PRKN: variants seen among roughly 807,000 people sequenced by gnomAD.
PRKN encodes E3 ubiquitin-protein ligase parkin.
PRKN carries 56 observed loss-of-function variants against 59.5 expected under a neutral mutation model. The ratio of observed to expected loss-of-function variants is 0.94; its 90% CI spans 0.76 to 1.18. The LOEUF is 1.18. Among genes scored for constraint, PRKN ranks in the 50% most tolerant of loss-of-function variants. PRKN has a pLI of 0.00. For synonymous variants in PRKN, 250 were observed against 222.1 expected (o/e 1.13, Z -1.12); for missense variants, 657 against 596.4 (o/e 1.10, Z -1.06).
rs1385921578 is a variant in PRKN at position 161,402,455 on chromosome 6, C to T, written c.1084-15578G>A. On this transcript the variant is annotated intron_variant, in intron 9 of 11. Transcript: ENST00000366898. This position sits in a 1 kb window ranked among gnomAD's most constrained non-coding sequence, Gnocchi z 4.5. ...TCTCAGGTGAGTCGAGGAAATGCCA[C>T]AGACATTGCTGCCTCTCTACTAATA... is the stretch of plus-strand genomic sequence containing the variant. 1.3e-5 allele frequency among the ~76,000 whole-genome samples: 2 copies of T among 152,156 alleles called. No homozygotes were observed. Among genetic ancestry groups the T allele is most frequent in the Non-Finnish European group, 2.9e-5 (2 of 68,038 alleles).
rs566057952 is a variant in PRKN, at chr6:161,361,825, C to T, written c.1168-1620G>A. Among the ~76,000 whole-genome samples, 46 of 152,316 alleles carry T rather than the reference C, an allele frequency of 3.0e-4. No individual in the cohort carries two copies. Among genetic ancestry groups the T allele is most frequent in the Admixed American group, 5.9e-4 (9 of 15,304 alleles). ...TGCTTCCTTTGCTAAGATCCACTCA[C>T]GGCAGAGGCCCAGTGAGGGCGCTGT... On this transcript the variant is annotated intron_variant, in intron 10 of 11. Coordinates refer to ENST00000366898, the MANE Select transcript of PRKN (RefSeq NM_004562.3). The surrounding 1 kb of genome is among the most constrained non-coding windows in gnomAD (Gnocchi z 5.2).
chr6:162,596,054 A>G (rs1472337567), intron 1 of PRKN, among the ~76,000 whole-genome samples: 2 of 152,186 alleles, frequency 1.3e-5, no homozygotes, highest in African/African-American at 4.8e-5. Context: ...TGCTTGTAAT[A>G]ATAAGACTGT....
chr6:161,420,711 T>G (rs547107567), intron 9 of PRKN, among the ~76,000 whole-genome samples: 47 of 152,230 alleles, frequency 3.1e-4, no homozygotes, highest in Middle Eastern at 3.4e-3. Flanking sequence ...GGTCTCCCTA[T>G]GTTGCCCAGT....
At chr6:161,596,973 T>C (rs1781937827) in intron 7 of PRKN, among the ~76,000 whole-genome samples, 2 of 152,094 alleles carry the variant, frequency 1.3e-5, no homozygotes, top group Non-Finnish European at 2.9e-5. Flanking sequence ...GTATTAGGAG[T>C]GTTCATAGGA....
At chr6:162,109,086 G>T (rs916143046) in intron 4 of PRKN, among the ~76,000 whole-genome samples, 23 of 152,108 alleles carry the variant, frequency 1.5e-4, no homozygotes, top group African/African-American at 5.6e-4. Flanking sequence ...TCTAGAAAAG[G>T]GTCACCAAGT....
chr6:161,370,784 A>G (rs2114894654), intron 10 of PRKN, among the ~76,000 whole-genome samples: 1 of 152,316 alleles, frequency 6.6e-6, no homozygotes, highest in South Asian at 2.1e-4. Flanking sequence ...CTGTTTTCCA[A>G]AAAAGAGCAG....
intron 11 of PRKN, among the ~76,000 whole-genome samples, chr6:161,351,042 TATAAATATA>T (rs1784526588): frequency 2.2e-5 from 2 of 91,720 alleles, no homozygotes; most frequent in African/African-American, 9.3e-5. Flanking sequence ...TTAAAATATA[TATAAATATA>T]TTTTATATAT....
In PRKN at chr6:161,423,391, C is replaced by T. The variant is rs925844485; in HGVS notation, c.1084-36514G>A. Reference sequence around the variant, plus strand: ...CATGTAAATAATTCGGAGGTGAGTACTGCGATGCAGTTACACGTCGTAACC... The same window carrying T: ...CATGTAAATAATTCGGAGGTGAGTATTGCGATGCAGTTACACGTCGTAACC... On this transcript the variant is annotated intron_variant, in intron 9 of 11. Coordinates refer to ENST00000366898, the MANE Select transcript of PRKN (RefSeq NM_004562.3). The surrounding 1 kb of genome is among the most constrained non-coding windows in gnomAD (Gnocchi z 5.9). Among the ~76,000 whole-genome samples the T allele has an allele frequency of 6.6e-6, 1 of 152,164 alleles. No individual in the cohort carries two copies. Among genetic ancestry groups the T allele is most frequent in the African/African-American group, 2.4e-5 (1 of 41,418 alleles).
rs556194654 is a variant in PRKN, at chr6:162,403,977, T to C, written c.171+39333A>G. On this transcript the variant is annotated intron_variant, in intron 2 of 11. Coordinates refer to ENST00000366898, the MANE Select transcript of PRKN (RefSeq NM_004562.3). ...TTTTCATGGCATTAAACCGAACCAT[T>C]CACTTCATGATTTTGCCTGGTATCC... 2.0e-5 allele frequency among the ~76,000 whole-genome samples: 3 copies of C among 152,310 alleles called. No homozygotes were observed. The East Asian group carries it at 5.8e-4, about 29-fold the overall frequency.
chr6:162,342,726 T>C (rs1784235947), intron 2 of PRKN, among the ~76,000 whole-genome samples: 1 of 152,198 alleles, frequency 6.6e-6, no homozygotes, highest in Non-Finnish European at 1.5e-5. Context: ...ATTTGCCGCA[T>C]GACACAGACA....
At chr6:161,980,122 G>C (rs892202351) in intron 5 of PRKN, among the ~76,000 whole-genome samples, 14 of 152,168 alleles carry the variant, frequency 9.2e-5, no homozygotes, top group African/African-American at 3.4e-4. Flanking sequence ...AAAATCATTA[G>C]CAGTAAGACC....
rs2115200613 is a variant in PRKN at position 161,473,055 on chromosome 6, T to C, written c.1083+75799A>G. Among the ~76,000 whole-genome samples the C allele has an allele frequency of 6.6e-6, 1 of 152,202 alleles. No homozygotes were observed. The highest frequency in any genetic ancestry group is 2.4e-5 in the African/African-American group (1 of 41,528). On this transcript the variant is annotated intron_variant, in intron 9 of 11. Transcript: ENST00000366898. This position sits in a 1 kb window ranked among gnomAD's most constrained non-coding sequence, Gnocchi z 4.1. ...GACATGCTGTTGGTGGGAATGTAAATTGTTGCAGCCTTTATGGAAAACAGT... is the reference window on the plus strand; with the variant it reads ...GACATGCTGTTGGTGGGAATGTAAACTGTTGCAGCCTTTATGGAAAACAGT...
chr6:162,014,405 G>A (rs553509737), intron 5 of PRKN, among the ~76,000 whole-genome samples: 3 of 152,262 alleles, frequency 2.0e-5, no homozygotes, highest in East Asian at 1.9e-4. Context: ...CTCTTCAGGC[G>A]CCTCTGCAGA....
chr6:161,773,848 G>T (rs1024395177), intron 7 of PRKN, among the ~76,000 whole-genome samples: 2 of 152,180 alleles, frequency 1.3e-5, no homozygotes, highest in South Asian at 2.1e-4. Flanking sequence ...GAAGGGGAAA[G>T]AAGTCAGTTT....
intron 4 of PRKN, among the ~76,000 whole-genome samples, chr6:162,158,481 G>A (rs967482297): frequency 1.3e-5 from 2 of 151,306 alleles, no homozygotes. Flanking sequence ...GCCCAGGCTG[G>A]AGAGCAGCGG....
At chr6:161,919,832 C>T (rs539121240) in intron 6 of PRKN, among the ~76,000 whole-genome samples, 34 of 152,306 alleles carry the variant, frequency 2.2e-4, no homozygotes, top group Non-Finnish European at 4.6e-4. Flanking sequence ...TAAGTGATGA[C>T]AGGGACACAG....
chr6:161,636,147 G>T (rs1211353915), intron 7 of PRKN, among the ~76,000 whole-genome samples: 1 of 152,242 alleles, frequency 6.6e-6, no homozygotes, highest in Non-Finnish European at 1.5e-5. Flanking sequence ...CCCTGACAAG[G>T]CACTGTGCTG....
chr6:162,025,179 C>G (rs1783381251), intron 5 of PRKN, among the ~76,000 whole-genome samples: 1 of 151,836 alleles, frequency 6.6e-6, no homozygotes, highest in Non-Finnish European at 1.5e-5. Flanking sequence ...CCACGCCTGG[C>G]TAATTTTTTG....
chr6:161,416,806 C>T (rs758841204), intron 9 of PRKN, among the ~76,000 whole-genome samples: 1 of 152,128 alleles, frequency 6.6e-6, no homozygotes, highest in Non-Finnish European at 1.5e-5. Flanking sequence ...TGATACACAC[C>T]GAACTGTCAC....
Sources: allele counts gnomAD v4.1 joint callset (sites outside exome capture counted in the v4.1 genomes callset), GRCh38; gene constraint gnomAD v4.1.1; non-coding constraint Gnocchi (gnomAD v3.1); transcripts MANE v1.5; gene names NCBI Gene and HGNC (gene_info 2026-07-23, HGNC 2026-07-21).